Variants in CNTROB observed in about 807,000 individuals in gnomAD.
CNTROB encodes the protein centrobin, centriole duplication and spindle assembly protein, also known as centrobin.
A neutral mutation model predicts 115.7 loss-of-function variants in CNTROB; 82 were observed. That is an observed-to-expected ratio of 0.71 (90% CI 0.59 to 0.85). The LOEUF is 0.85. Ranked by LOEUF, CNTROB falls within the 40% of genes least tolerant of loss-of-function variation. The pLI, the probability that CNTROB is intolerant of heterozygous loss-of-function variation, is 0.00. For synonymous variants in CNTROB, 439 were observed against 456.4 expected (o/e 0.96, Z 0.49); for missense variants, 1,014 against 1,144.4 (o/e 0.89, Z 1.64).
Position 7,948,423 on chromosome 17 carries a change from A to G in CNTROB, c.2381-64A>G. 1 of 1,610,262 alleles carries G rather than the reference A, an allele frequency of 6.2e-7. No individual in the cohort carries two copies. The highest frequency in any genetic ancestry group is 1.7e-5 in the Admixed American group (1 of 59,976). On this transcript the variant is annotated intron_variant, in intron 16 of 18. Coordinates refer to ENST00000563694, the MANE Select transcript of CNTROB (RefSeq NM_053051.5). This position sits in a 1 kb window ranked among gnomAD's most constrained non-coding sequence, Gnocchi z 4.4. Reference sequence around the variant, plus strand: ...ACAGTCCTTCTGAATTCCTGGGGAAATGGGCTGAGGGCTGGGGAGACAGGC... The same window carrying G: ...ACAGTCCTTCTGAATTCCTGGGGAAGTGGGCTGAGGGCTGGGGAGACAGGC...
At position 7,948,635 on chromosome 17, in the gene CNTROB, G is replaced by A; in HGVS notation, c.2513+16G>A. 6.2e-7 allele frequency: 1 copy of A among 1,614,200 alleles called. No homozygotes were observed. The highest frequency in any genetic ancestry group is 1.1e-5 in the South Asian group (1 of 91,082). ...AACACAGCGGGTACAAGCCTGGGAG[G>A]AAGGAGGAAGGATTCTCCGGGTGGA... On this transcript the variant is annotated intron_variant, in intron 17 of 18. Transcript: ENST00000563694. The surrounding 1 kb of genome is among the most constrained non-coding windows in gnomAD (Gnocchi z 4.4).
In CNTROB at chr17:7,939,378, G is replaced by A. The variant is rs574735837; in HGVS notation, c.928-135G>A. On this transcript the variant is annotated intron_variant, in intron 7 of 18. Coordinates refer to ENST00000563694, the MANE Select transcript of CNTROB (RefSeq NM_053051.5). This position sits in a 1 kb window ranked among gnomAD's most constrained non-coding sequence, Gnocchi z 4.4. Reference sequence around the variant, plus strand: ...CAAAATGCTGGGATTACAGGTGTGAGCCACCGCACCCGGCCTAATTATTGT... The same window carrying A: ...CAAAATGCTGGGATTACAGGTGTGAACCACCGCACCCGGCCTAATTATTGT... 7.4e-5 allele frequency: 57 copies of A among 768,326 alleles called. No individual in the cohort carries two copies. The African/African-American group carries it at 9.2e-4, about 12-fold the overall frequency. The allele number at this position is 768,326 out of a possible 1,614,324, so 47.6% of individuals were successfully genotyped here.
intron 1 of CNTROB, among the ~76,000 whole-genome samples, chr17:7,933,692 C>G (rs1024015548): frequency 6.6e-6 from 1 of 152,168 alleles, no homozygotes; most frequent in African/African-American, 2.4e-5. Context: ...GATAGCAGCT[C>G]CGATCCTTCC....
chr17:7,936,155 C>G (rs1973140707), intron 4 of CNTROB: 5 of 531,354 alleles, frequency 9.4e-6, no homozygotes, highest in Non-Finnish European at 1.3e-5. Flanking sequence ...AAGCACTTAT[C>G]TCCTGAAAAG....
Position 7,934,494 on chromosome 17 carries a change from G to C in CNTROB, c.385G>C (p.Glu129Gln). 2.5e-6 allele frequency: 4 copies of C among 1,614,196 alleles called. No homozygotes were observed. Among genetic ancestry groups the C allele is most frequent in the Non-Finnish European group, 3.4e-6 (4 of 1,180,028 alleles). Residue 129 changes from glutamate (E) to glutamine (Q), a missense_variant, in exon 3 of 19, where the codon GAG (glutamate) becomes CAG (glutamine). Transcript: ENST00000563694. ...TCCTCTCATTCCTGGCGCTGGCTCA[G>C]AGAGACGGGAAGAGGACTCCTTTGA... is the stretch of plus-strand genomic sequence containing the variant. The part of the protein sequence containing the change: ...RDPLIPGAGS[E>Q]RREEDSFDSD...
chr17:7,949,102 A>T lies in CNTROB; in HGVS notation c.2531A>T (p.Asp844Val). 1 of 1,614,046 alleles carries T rather than the reference A, an allele frequency of 6.2e-7. No individual in the cohort carries two copies. The highest frequency in any genetic ancestry group is 8.5e-7 in the Non-Finnish European group (1 of 1,179,988). Residue 844 changes from aspartate to valine, a missense_variant, in exon 18 of 19, where the codon GAT becomes GTT. By Grantham distance (152) the Asp-to-Val change is radical. Transcript: ENST00000563694. Reference protein sequence around the residue: ...LEHSGTDGRGDNVPRRNTDSR... With the variant: ...LEHSGTDGRGVNVPRRNTDSR... The stretch of plus-strand genomic sequence containing the variant: ...TGTAGCAGGACTGATGGCCGAGGGG[A>T]TAATGTCCCCAGAAGGAACACAGAC...
At chr17:7,946,100 T>C in intron 13 of CNTROB, 114 bp downstream of exon 13, 8 of 919,290 alleles carry the variant, frequency 8.7e-6, no homozygotes, top group Non-Finnish European at 1.3e-5. Context: ...ATGCCTTTAG[T>C]GATCGCAAGT....
chr17:7,933,866 A>G (rs1421448584), intron 1 of CNTROB, among the ~76,000 whole-genome samples: 1 of 152,242 alleles, frequency 6.6e-6, no homozygotes, highest in Non-Finnish European at 1.5e-5. Context: ...GAGTTTGAAA[A>G]TGATAGCCAT....
At chr17:7,932,186 C>A (rs1972590223), upstream of CNTROB, 3 of 298,956 alleles carry the variant, frequency 1.0e-5, no homozygotes, top group Admixed American at 4.8e-5. Flanking sequence ...GTCATCGAGG[C>A]GAGAGAGGCG....
At chr17:7,938,566 A>T (rs1973477939) in intron 7 of CNTROB, among the ~76,000 whole-genome samples, 1 of 152,190 alleles carries the variant, frequency 6.6e-6, no homozygotes, top group Non-Finnish European at 1.5e-5. Flanking sequence ...TATGTGCCTG[A>T]TGCCGTGCTA....
At position 7,947,897 on chromosome 17, in the gene CNTROB, C is replaced by A. The variant is rs374802957; in HGVS notation, c.2146-19C>A. The A allele has an allele frequency of 1.4e-5, 23 of 1,613,306 alleles. No individual in the cohort carries two copies. The highest frequency in any genetic ancestry group is 2.0e-5 in the Non-Finnish European group (23 of 1,179,368). On this transcript the variant is annotated intron_variant, in intron 14 of 18. Transcript: ENST00000563694. ...CTCTATCAGTCCCTAGGGAACTTGA[C>A]AATCTTATTCACCCACAGTTGCTGG...
chr17:7,936,692 C>T lies in CNTROB; in HGVS notation c.712-9C>T, dbSNP rs751371218. 8.1e-6 allele frequency: 10 copies of T among 1,230,654 alleles called. No individual in the cohort carries two copies. The highest frequency in any genetic ancestry group is 1.2e-5 in the Non-Finnish European group (10 of 829,586). 76.2% of individuals were successfully genotyped at this position (1,230,654 alleles called of 1,614,324 possible). A position where few individuals can be genotyped will look rare whatever the true frequency, so the allele number is the denominator to read the frequency against. ...ATTTTGAAATTTCATCTTACTTGCC[C>T]TACCTAAGACCCTGGCCCGTGTGGT... On this transcript the variant is annotated splice_polypyrimidine_tract_variant and intron_variant, in intron 5 of 18. Coordinates refer to ENST00000563694, the MANE Select transcript of CNTROB (RefSeq NM_053051.5).
At chr17:7,947,864 G>C in intron 14 of CNTROB, 52 bp from the exon 15 acceptor site, 1 of 1,610,250 alleles carries the variant, frequency 6.2e-7, no homozygotes, top group Non-Finnish European at 8.5e-7. Context: ...AGATCCCTGG[G>C]CGTTTTTCTC....
rs1973659771 is a variant in CNTROB at position 7,939,983 on chromosome 17, G to C, written c.1165-113G>C. 6.2e-6 allele frequency: 8 copies of C among 1,292,988 alleles called. No individual in the cohort carries two copies. The East Asian group carries it at 1.9e-4, about 30-fold the overall frequency. 80.1% of individuals were successfully genotyped at this position (1,292,988 alleles called of 1,614,324 possible). On this transcript the variant is annotated intron_variant, in intron 8 of 18. Coordinates refer to ENST00000563694, the MANE Select transcript of CNTROB (RefSeq NM_053051.5). The surrounding 1 kb of genome is among the most constrained non-coding windows in gnomAD (Gnocchi z 4.4). ...CAGGGATGGGGAAATAAAACAAATG[G>C]GAGGAGCTGGGGGAAGCTTGGATTT...
chr17:7,945,646 T>A, intron 12 of CNTROB, 82 bp from the exon 13 acceptor site: 4 of 1,422,918 alleles, frequency 2.8e-6, no homozygotes, highest in Non-Finnish European at 3.8e-6. Context: ...AAATTTATAA[T>A]CTTATTAAAG....
chr17:7,936,324 C>G (rs1351410802), intron 4 of CNTROB, 42 bp from the exon 5 acceptor site: 1 of 859,118 alleles, frequency 1.2e-6, no homozygotes, highest in Non-Finnish European at 2.0e-6. Flanking sequence ...TGTGGTCATA[C>G]CAAAGATGGG....
At position 7,947,653 on chromosome 17, in the gene CNTROB, C is replaced by CG; in HGVS notation, c.2080dup (p.Glu694GlyfsTer32). On this transcript the variant is annotated frameshift_variant, in exon 14 of 19. Transcript: ENST00000563694. LOFTEE classifies it high-confidence loss of function. ...TCCCTGAGGAAGATCCTGGACCTGA[C>CG]GGGGAGGGCCTCCTAAAGCAAGGGC... is the stretch of plus-strand genomic sequence containing the variant. 2 of 1,613,912 alleles carry CG rather than the reference C, an allele frequency of 1.2e-6. No individual in the cohort carries two copies. The highest frequency in any genetic ancestry group is 1.7e-6 in the Non-Finnish European group (2 of 1,179,798).
intron 7 of CNTROB, among the ~76,000 whole-genome samples, chr17:7,938,784 G>A (rs11078718): frequency 0.48 from 72,716 of 151,942 alleles, 17,963 homozygotes; most frequent in East Asian, 0.76. Flanking sequence ...CAACTATTGT[G>A]TTTGTTTGTT....
rs777760619 is a variant in CNTROB, at chr17:7,933,227, G to A, written c.148G>A (p.Ala50Thr). The stretch of plus-strand genomic sequence containing the variant: ...TTTGCGCCTCAGCCGGCAGGCGGAG[G>A]CCACGGCCCGAGCCCAGCTGTATTT... ...ASLRLSRQAE[A>T]TARAQLYLPS... Residue 50 changes from alanine to threonine, a missense_variant, in exon 1 of 19, where the codon GCC (alanine) becomes ACC (threonine). Physicochemically the swap from Ala to Thr is moderately conservative, Grantham distance 58. Transcript: ENST00000563694. 1.9e-6 allele frequency: 3 copies of A among 1,614,158 alleles called. No homozygotes were observed. The highest frequency in any genetic ancestry group is 2.5e-6 in the Non-Finnish European group (3 of 1,180,022).
Sources: allele counts gnomAD v4.1 joint callset (sites outside exome capture counted in the v4.1 genomes callset), GRCh38; gene constraint gnomAD v4.1.1; non-coding constraint Gnocchi (gnomAD v3.1); transcripts MANE v1.5; gene names NCBI Gene and HGNC (gene_info 2026-07-23, HGNC 2026-07-21).